The following OTOGL variants were observed in gnomAD, a reference collection of about 807,000 sequenced individuals.
OTOGL encodes otogelin-like protein.
A neutral mutation model predicts 318.5 loss-of-function variants in OTOGL; 285 were observed. The ratio of observed to expected loss-of-function variants is 0.89; its 90% CI spans 0.81 to 0.99. OTOGL has a LOEUF of 0.99. OTOGL is among the 50% of genes least tolerant of loss of function. OTOGL has a pLI of 0.00. For synonymous variants in OTOGL, 987 were observed against 936.5 expected, an observed-to-expected ratio of 1.05 and a Z score of -0.99; for missense variants, 2,899 against 2,845.6, an observed-to-expected ratio of 1.02 and a Z score of -0.43.
chr12:80,147,042 GTC>G (rs1429002900), intron 1 of OTOGL, among the ~76,000 whole-genome samples: 1 of 150,862 alleles, frequency 6.6e-6, no homozygotes, highest in Admixed American at 6.6e-5. Context: ...GGTTTTTTGT[GTC>G]TCTATTTCCT....
intron 11 of OTOGL, among the ~76,000 whole-genome samples, chr12:80,250,475 T>G (rs1374947582): frequency 6.6e-6 from 1 of 152,194 alleles, no homozygotes; most frequent in East Asian, 1.9e-4. Context: ...ACCGTTAATG[T>G]AGGAAAGAAT....
At chr12:80,293,414 A>G (rs889680932) in intron 26 of OTOGL, among the ~76,000 whole-genome samples, 2 of 152,202 alleles carry the variant, frequency 1.3e-5, no homozygotes, top group Non-Finnish European at 2.9e-5. Flanking sequence ...AATATTTACC[A>G]TTCTTTTTCC....
chr12:80,217,676 T>C lies in OTOGL; in HGVS notation c.235+12T>C, dbSNP rs1592559449. ...GAGCAAAATAAAAGGTCAGTGTTTATACTTAGGTTTTCATATTTGCTTTCT... is the reference window on the plus strand; with the variant it reads ...GAGCAAAATAAAAGGTCAGTGTTTACACTTAGGTTTTCATATTTGCTTTCT... On this transcript the variant is annotated intron_variant, in intron 5 of 58. Transcript: ENST00000547103. The C allele has an allele frequency of 4.0e-6, 6 of 1,490,472 alleles. No homozygotes were observed. Among genetic ancestry groups the C allele is most frequent in the Non-Finnish European group, 5.5e-6 (6 of 1,099,818 alleles). The allele number at this position is 1,490,472 out of a possible 1,614,324, so 92.3% of individuals were successfully genotyped here.
intron 1 of OTOGL, among the ~76,000 whole-genome samples, chr12:80,120,138 T>C (rs1870402132): frequency 6.6e-6 from 1 of 152,142 alleles, no homozygotes; most frequent in Non-Finnish European, 1.5e-5. Context: ...CTTGATTATT[T>C]CACCACAACA....
rs759975960 is a variant in OTOGL at position 80,335,947 on chromosome 12, CTT to C, written c.4423-10_4423-9del. ...GCTGAGAATGAAAAAACCCACTAAT[CTT>C]TTTTTATTAACAGCCTCAGAAATTT... is the stretch of plus-strand genomic sequence containing the variant. On this transcript the variant is annotated splice_polypyrimidine_tract_variant and intron_variant, in intron 38 of 58. Coordinates refer to ENST00000547103, the MANE Select transcript of OTOGL (RefSeq NM_001378609.3). 8 of 1,492,896 alleles carry C rather than the reference CTT, an allele frequency of 5.4e-6. No homozygotes were observed. The highest frequency in any genetic ancestry group is 7.1e-6 in the Non-Finnish European group (8 of 1,123,608). The allele number at this position is 1,492,896 out of a possible 1,614,324, so 92.5% of individuals were successfully genotyped here. A position where few individuals can be genotyped will look rare whatever the true frequency, so the allele number is the denominator to read the frequency against.
chr12:80,227,830 T>C (rs1171164448), intron 7 of OTOGL, among the ~76,000 whole-genome samples: 2 of 152,180 alleles, frequency 1.3e-5, no homozygotes, highest in East Asian at 3.8e-4. Context: ...AGTTCATCTT[T>C]TCAGCAAGGC....
chr12:80,130,442 G>A (rs1252495629), intron 1 of OTOGL, among the ~76,000 whole-genome samples: 1 of 152,184 alleles, frequency 6.6e-6, no homozygotes, highest in African/African-American at 2.4e-5. Context: ...TTGGAATGGA[G>A]CCAATGAAAG....
At chr12:80,265,552 T>C (rs1232522008) in intron 20 of OTOGL, 2 of 245,894 alleles carry the variant, frequency 8.1e-6, no homozygotes, top group African/African-American at 4.4e-5. Flanking sequence ...TGTAATACAG[T>C]GACGCAGTTG....
Position 80,320,188 on chromosome 12 carries a change from A to G in OTOGL, c.3803-234A>G, listed in dbSNP as rs146801724. Among the ~76,000 whole-genome samples the G allele has an allele frequency of 6.6e-5, 10 of 152,204 alleles. No homozygotes were observed. The East Asian group carries it at 1.9e-3, about 29-fold the overall frequency. On this transcript the variant is annotated intron_variant, in intron 33 of 58. Transcript: ENST00000547103. ...AATTATTAAAAAAATAGAAGTTACC[A>G]AAGACTGATTTTTTTTTTTAGTGAT...
In OTOGL at chr12:80,336,417, G is replaced by C; in HGVS notation, c.4605G>C (p.Arg1535=). 1 of 1,595,378 alleles carries C rather than the reference G, an allele frequency of 6.3e-7. No individual in the cohort carries two copies. Among genetic ancestry groups the C allele is most frequent in the South Asian group, 1.1e-5 (1 of 87,320 alleles). The change falls in exon 40 of 59, where the codon CGG becomes CGC. Residue 1535 remains arginine (R), a synonymous_variant. Coordinates refer to ENST00000547103, the MANE Select transcript of OTOGL (RefSeq NM_001378609.3). ...CACTTTCCACCATTTTTATAGGTCG[G>C]TGTTCCATGTTGTCAGAACTGAGCA... ...ICCPEWECPC[R]CSMLSELSII...
intron 36 of OTOGL, 33 bp downstream of exon 36, chr12:80,328,777 A>C: frequency 6.5e-7 from 1 of 1,531,200 alleles, no homozygotes; most frequent in Non-Finnish European, 9.0e-7. Flanking sequence ...TTACTCTGAA[A>C]AATTATACGC....
chr12:80,255,811 A>C (rs1029043162), intron 16 of OTOGL, among the ~76,000 whole-genome samples: 6 of 151,972 alleles, frequency 3.9e-5, no homozygotes, highest in African/African-American at 1.4e-4. Flanking sequence ...ATTCTAATAG[A>C]AAATAATTAT....
chr12:80,132,732 C>T (rs1871316373), intron 1 of OTOGL: 1 of 152,190 alleles, frequency 6.6e-6, no homozygotes, highest in Admixed American at 6.5e-5. Context: ...ATCATCTGTG[C>T]TCTAAAATGT....
chr12:80,339,374 A>C, intron 43 of OTOGL, 110 bp downstream of exon 43: 1 of 859,476 alleles, frequency 1.2e-6, no homozygotes, highest in South Asian at 1.8e-5. Flanking sequence ...TTCAGATTTG[A>C]GATGTGATAT....
At chr12:80,146,908 C>T (rs1307856385) in intron 1 of OTOGL, among the ~76,000 whole-genome samples, 2 of 118,308 alleles carry the variant, frequency 1.7e-5, no homozygotes, top group East Asian at 2.5e-4. Flanking sequence ...GGTGATATCC[C>T]TTTTATCATT....
chr12:80,359,765 T>C (rs192167403), intron 52 of OTOGL, among the ~76,000 whole-genome samples: 3 of 152,244 alleles, frequency 2.0e-5, no homozygotes, highest in South Asian at 2.1e-4. Context: ...AATAATTCTG[T>C]CATTTGATTA....
At chr12:80,283,622 A>C (rs1165650916) in intron 26 of OTOGL, among the ~76,000 whole-genome samples, 1 of 152,032 alleles carries the variant, frequency 6.6e-6, no homozygotes, top group African/African-American at 2.4e-5. Flanking sequence ...TGAAGCTAAA[A>C]AATTACTTGT....
chr12:80,132,294 T>A (rs1267479402), intron 1 of OTOGL, among the ~76,000 whole-genome samples: 1 of 152,242 alleles, frequency 6.6e-6, no homozygotes, highest in Admixed American at 6.5e-5. Context: ...TTTCCAATTT[T>A]GATTTTTAAT....
At chr12:80,292,497 T>A (rs1885111938) in intron 26 of OTOGL, among the ~76,000 whole-genome samples, 1 of 152,170 alleles carries the variant, frequency 6.6e-6, no homozygotes, top group Admixed American at 6.5e-5. Flanking sequence ...TGGCACAATC[T>A]CCAAAGTAAT....
Sources: gnomAD v4.1 joint callset for allele counts (sites outside exome capture counted in the v4.1 genomes callset) on GRCh38, gnomAD v4.1.1 for gene constraint, MANE v1.5 for transcripts, NCBI Gene and HGNC (gene_info 2026-07-23, HGNC 2026-07-21) for gene names.